Variants in CEP112 observed in about 807,000 individuals in gnomAD.
The protein encoded by CEP112 is centrosomal protein 112, also known as centrosomal protein of 112 kDa.
Under a neutral mutation model 153.0 loss-of-function variants are expected in CEP112, and 127 were observed. The ratio of observed to expected loss-of-function variants is 0.83; its 90% CI spans 0.72 to 0.96. The LOEUF is 0.96. Among genes scored for constraint, CEP112 ranks in the 40% least tolerant of loss-of-function variants. The probability of loss-of-function intolerance (pLI) is 0.00; values close to 1 mark genes in which losing one functional copy is unlikely to be tolerated. For synonymous variants in CEP112, 358 were observed against 374.4 expected, an observed-to-expected ratio of 0.96 and a Z score of 0.51; for missense variants, 1,089 against 1,101.2, an observed-to-expected ratio of 0.99 and a Z score of 0.16.
intron 12 of CEP112, among the ~76,000 whole-genome samples, chr17:66,050,238 C>A (rs1293245067): frequency 6.6e-6 from 1 of 152,084 alleles, no homozygotes; most frequent in Non-Finnish European, 1.5e-5. Context: ...ATAAAGAAAC[C>A]TAAAGGTATT....
At chr17:66,045,350 G>A (rs967702788) in intron 12 of CEP112, among the ~76,000 whole-genome samples, 3 of 152,120 alleles carry the variant, frequency 2.0e-5, no homozygotes, top group Non-Finnish European at 2.9e-5. Context: ...GGTTACAGGC[G>A]TGAGCCACCA....
chr17:65,938,881 G>A lies in CEP112; in HGVS notation c.1873-11192C>T, dbSNP rs565942420. Among the ~76,000 whole-genome samples the A allele has an allele frequency of 6.8e-4, 103 of 152,018 alleles. 1 individual carries two copies. In the South Asian group the frequency reaches 0.017, roughly 25 times the overall value. On this transcript the variant is annotated intron_variant, in intron 18 of 26. Transcript: ENST00000535342. ...GGCTGGAGTGCAATGGCAAGATCTC[G>A]GCTCACTGCAACCTCCGCCTCCCAG...
chr17:66,153,430 T>C (rs921041312), intron 4 of CEP112, among the ~76,000 whole-genome samples: 3 of 127,022 alleles, frequency 2.4e-5, no homozygotes, highest in South Asian at 2.4e-4. Flanking sequence ...ACTAGATACA[T>C]AGGACTACGT....
chr17:65,852,192 TTTCCCTCTCCC>T (rs2057958844), intron 20 of CEP112, among the ~76,000 whole-genome samples, 158 bp from the exon 21 acceptor site: 1 of 137,470 alleles, frequency 7.3e-6, no homozygotes, highest in Admixed American at 7.2e-5. Flanking sequence ...TCCCTCCCTC[TTTCCCTCTCCC>T]TTCCTTCCTT....
chr17:65,707,184 G>A (rs2048961138), intron 23 of CEP112, among the ~76,000 whole-genome samples: 2 of 152,116 alleles, frequency 1.3e-5, no homozygotes, highest in Admixed American at 1.3e-4. Flanking sequence ...TCATTATGTA[G>A]GAGTTATCAT....
intron 4 of CEP112, among the ~76,000 whole-genome samples, chr17:66,145,229 T>C (rs1191527887): frequency 1.3e-5 from 2 of 152,190 alleles, no homozygotes; most frequent in African/African-American, 4.8e-5. Flanking sequence ...TTTTGCACAT[T>C]AACTGGATTG....
intron 11 of CEP112, among the ~76,000 whole-genome samples, chr17:66,062,176 C>T (rs941911791): frequency 1.3e-5 from 2 of 151,664 alleles, no homozygotes; most frequent in African/African-American, 4.9e-5. Context: ...ATTACCCAGT[C>T]TCAGGCAGTT....
chr17:66,021,587 C>T (rs932258120), intron 16 of CEP112, among the ~76,000 whole-genome samples: 5 of 152,300 alleles, frequency 3.3e-5, no homozygotes, highest in Middle Eastern at 3.4e-3. Context: ...GTGGGTCCCC[C>T]TCCTGATCAC....
At chr17:65,861,817 C>T (rs1200790681) in intron 20 of CEP112, among the ~76,000 whole-genome samples, 1 of 152,196 alleles carries the variant, frequency 6.6e-6, no homozygotes, top group African/African-American at 2.4e-5. Flanking sequence ...TAAAACCCTA[C>T]TGTAAGTTAA....
chr17:65,710,628 A>T lies in CEP112; in HGVS notation c.2608-21410T>A, dbSNP rs539938582. ...TGTGTGCAGAAGCCTCATGTCAGATACTTTCGTCACAAACCTAGAGGTATT... is the reference window on the plus strand; with the variant it reads ...TGTGTGCAGAAGCCTCATGTCAGATTCTTTCGTCACAAACCTAGAGGTATT... On this transcript the variant is annotated intron_variant, in intron 23 of 26. Coordinates refer to ENST00000535342, the MANE Select transcript of CEP112 (RefSeq NM_001199165.4). Among the ~76,000 whole-genome samples the T allele has an allele frequency of 3.9e-5, 6 of 152,300 alleles. No homozygotes were observed. The South Asian group carries it at 1.0e-3, about 26-fold the overall frequency.
intron 4 of CEP112, among the ~76,000 whole-genome samples, chr17:66,145,724 T>C (rs1018721303): frequency 1.3e-5 from 2 of 152,160 alleles, no homozygotes; most frequent in African/African-American, 4.8e-5. Flanking sequence ...TTACTACAGC[T>C]TGATTTTAAG....
Position 66,111,688 on chromosome 17 carries a change from C to T in CEP112, c.643-15056G>A, listed in dbSNP as rs114250826. On this transcript the variant is annotated intron_variant, in intron 6 of 26. Coordinates refer to ENST00000535342, the MANE Select transcript of CEP112 (RefSeq NM_001199165.4). ...CATAAGAACACTGAGAAAGAAACAA[C>T]GGACACTGGAGTCTACTTGAGAGGG... Among the ~76,000 whole-genome samples the T allele has an allele frequency of 7.2e-3, 1,096 of 151,800 alleles. 11 individuals carry two copies. Among genetic ancestry groups the T allele is most frequent in the African/African-American group, 0.025 (1,044 of 41,386 alleles).
chr17:65,875,316 GTTTGT>G (rs1218925024), intron 20 of CEP112, among the ~76,000 whole-genome samples: 1 of 151,966 alleles, frequency 6.6e-6, no homozygotes, highest in Non-Finnish European at 1.5e-5. Flanking sequence ...TCCACTGAAT[GTTTGT>G]TTTAATTTAA....
At chr17:65,823,205 A>G (rs1245949692) in intron 21 of CEP112, among the ~76,000 whole-genome samples, 2 of 152,240 alleles carry the variant, frequency 1.3e-5, no homozygotes, top group South Asian at 2.1e-4. Context: ...TCTAAGAAAA[A>G]CAAAGAAACC....
At chr17:65,883,304 C>T (rs952956070) in intron 20 of CEP112, among the ~76,000 whole-genome samples, 8 of 151,206 alleles carry the variant, frequency 5.3e-5, no homozygotes, top group South Asian at 4.2e-4. Flanking sequence ...TATATACACA[C>T]ACACACTTCA....
chr17:65,767,898 A>G (rs1485941946), intron 21 of CEP112, among the ~76,000 whole-genome samples: 1 of 152,110 alleles, frequency 6.6e-6, no homozygotes, highest in Non-Finnish European at 1.5e-5. Context: ...CCAAGAAAGA[A>G]AAGCCCAAAA....
chr17:66,062,299 A>AATAAT (rs1195274384), intron 11 of CEP112, among the ~76,000 whole-genome samples: 2 of 152,130 alleles, frequency 1.3e-5, no homozygotes, highest in African/African-American at 4.8e-5. Context: ...AAAAATGGAC[A>AATAAT]ATAATATAGG....
At chr17:65,917,003 G>A (rs1048585052) in intron 19 of CEP112, among the ~76,000 whole-genome samples, 12 of 152,076 alleles carry the variant, frequency 7.9e-5, no homozygotes, top group Admixed American at 5.2e-4. Context: ...TCTAGGCTCC[G>A]ACCACTGGAC....
At chr17:65,818,625 A>T (rs915647204) in intron 21 of CEP112, among the ~76,000 whole-genome samples, 1 of 151,864 alleles carries the variant, frequency 6.6e-6, no homozygotes. Context: ...TCTTGTAATA[A>T]GGTTATTTGG....
Sources: gnomAD v4.1 joint callset for allele counts (sites outside exome capture counted in the v4.1 genomes callset) on GRCh38, gnomAD v4.1.1 for gene constraint, MANE v1.5 for transcripts, NCBI Gene and HGNC (gene_info 2026-07-23, HGNC 2026-07-21) for gene names.